BRD10: variants seen among roughly 807,000 people sequenced by gnomAD.
The protein encoded by BRD10 is bromodomain containing 10.
the BRD10 span, among the ~76,000 whole-genome samples, chr9:5,987,952 G>A: frequency 1.3e-5 from 2 of 152,136 alleles, no homozygotes; most frequent in African/African-American, 4.8e-5. Flanking sequence ...AATTCCAATG[G>A]AGGAACAGGC....
the BRD10 span, among the ~76,000 whole-genome samples, chr9:5,944,651 C>A: frequency 1.3e-5 from 2 of 151,986 alleles, no homozygotes; most frequent in Non-Finnish European, 2.9e-5. Context: ...CTGATACAAA[C>A]CAGGCAAACA....
the BRD10 span, among the ~76,000 whole-genome samples, chr9:5,973,843 T>C: frequency 6.6e-6 from 1 of 152,216 alleles, no homozygotes; most frequent in East Asian, 1.9e-4. Flanking sequence ...GTTCATGCCA[T>C]GGCACTCTAG....
At chr9:5,931,250 C>A in the BRD10 span, among the ~76,000 whole-genome samples, 1 of 152,182 alleles carries the variant, frequency 6.6e-6, no homozygotes, top group Admixed American at 6.5e-5. Flanking sequence ...TATTGTGGCA[C>A]AGAAGACCTT....
chr9:5,934,473 C>T, the BRD10 span, among the ~76,000 whole-genome samples: 1 of 151,116 alleles, frequency 6.6e-6, no homozygotes, highest in Non-Finnish European at 1.5e-5. Context: ...ATTCTCCTGC[C>T]TCAGTCTCCC....
chr9:5,915,452 A>G, the BRD10 span, among the ~76,000 whole-genome samples: 13 of 152,366 alleles, frequency 8.5e-5, no homozygotes, highest in African/African-American at 2.9e-4. Flanking sequence ...TTGCTTCAAA[A>G]GCTTCAGTAG....
At chr9:5,957,794 A>G in the BRD10 span, among the ~76,000 whole-genome samples, 5 of 152,154 alleles carry the variant, frequency 3.3e-5, no homozygotes, top group Non-Finnish European at 7.4e-5. Context: ...CTTCAAAAAA[A>G]TTAAATATTA....
the BRD10 span, among the ~76,000 whole-genome samples, chr9:6,002,970 C>T: frequency 6.6e-6 from 1 of 152,212 alleles, no homozygotes; most frequent in South Asian, 2.1e-4. Context: ...CAGGCGTGAG[C>T]TGCCACACTT....
chr9:5,935,625 A>C, the BRD10 span, among the ~76,000 whole-genome samples: 11 of 152,232 alleles, frequency 7.2e-5, no homozygotes, highest in Admixed American at 7.2e-4. Flanking sequence ...TGCTATCAGA[A>C]AGATGGGTTC....
At chr9:5,888,052 T>C in the BRD10 span, among the ~76,000 whole-genome samples, 3 of 152,122 alleles carry the variant, frequency 2.0e-5, no homozygotes, top group Admixed American at 1.3e-4. Flanking sequence ...ACCAGAAAAA[T>C]CACAGGATCT....
At chr9:5,897,240 G>A in the BRD10 span, among the ~76,000 whole-genome samples, 5 of 152,184 alleles carry the variant, frequency 3.3e-5, no homozygotes, top group African/African-American at 1.2e-4. Context: ...AGATAATTTA[G>A]CCCCAATAAA....
the BRD10 span, chr9:5,921,274 T>A: frequency 3.1e-6 from 5 of 1,613,894 alleles, no homozygotes; most frequent in Middle Eastern, 3.3e-4. Context: ...TTAGTCCAAT[T>A]TTCACATCCT....
At chr9:5,966,455 C>CTTTTTTTTTTTTTTT in the BRD10 span, among the ~76,000 whole-genome samples, 2 of 83,750 alleles carry the variant, frequency 2.4e-5, no homozygotes, top group Non-Finnish European at 4.3e-5. Flanking sequence ...CTAACATTTC[C>CTTTTTTTTTTTTTTT]TTTTTTTTTT....
chr9:5,943,343 A>T, the BRD10 span, among the ~76,000 whole-genome samples: 2 of 152,190 alleles, frequency 1.3e-5, no homozygotes, highest in Non-Finnish European at 2.9e-5. Context: ...AAAATGCTCT[A>T]ATTTATAATA....
chr9:5,967,629 T>C, the BRD10 span, among the ~76,000 whole-genome samples: 3 of 150,770 alleles, frequency 2.0e-5, no homozygotes, highest in African/African-American at 7.3e-5. Flanking sequence ...CTATGAACTT[T>C]AGTCCTGGGA....
the BRD10 span, among the ~76,000 whole-genome samples, chr9:5,977,248 C>A: frequency 6.6e-6 from 1 of 152,192 alleles, no homozygotes; most frequent in South Asian, 2.1e-4. Flanking sequence ...AGGGCTGCTA[C>A]TCACACTGCT....
chr9:5,935,436 C>G, the BRD10 span, among the ~76,000 whole-genome samples: 15 of 152,310 alleles, frequency 9.8e-5, no homozygotes, highest in East Asian at 2.7e-3. Flanking sequence ...AGGTAGTTCA[C>G]TATCACCGGG....
At chr9:6,000,362 A>G in the BRD10 span, among the ~76,000 whole-genome samples, 1 of 152,166 alleles carries the variant, frequency 6.6e-6, no homozygotes, top group African/African-American at 2.4e-5. Flanking sequence ...ATTATTATAC[A>G]AGTTCCTGGA....
chr9:5,923,012 G>A, the BRD10 span: 7 of 1,613,948 alleles, frequency 4.3e-6, no homozygotes, highest in Non-Finnish European at 5.9e-6. Context: ...AGTAGACACT[G>A]GTACTGAATC....
chr9:5,999,380 T>C, the BRD10 span, among the ~76,000 whole-genome samples: 5 of 152,114 alleles, frequency 3.3e-5, no homozygotes, highest in African/African-American at 4.8e-5. Flanking sequence ...TTTATATATA[T>C]ATAATCACCA....
Sources: allele counts gnomAD v4.1 joint callset (sites outside exome capture counted in the v4.1 genomes callset), GRCh38; gene constraint gnomAD v4.1.1; transcripts MANE v1.5; gene names NCBI Gene and HGNC (gene_info 2026-07-23, HGNC 2026-07-21).